Variants in MYO9B observed in about 807,000 individuals in gnomAD.
MYO9B encodes the protein myosin IXB.
MYO9B carries 71 observed loss-of-function variants against 229.5 expected under a neutral mutation model. The ratio of observed to expected loss-of-function variants is 0.31; its 90% CI spans 0.26 to 0.38. The LOEUF (loss-of-function observed/expected upper bound fraction) is 0.38, where lower values mean the gene tolerates loss of function less well. Among genes scored for constraint, MYO9B ranks in the 10% least tolerant of loss-of-function variants. The pLI, the probability that MYO9B is intolerant of heterozygous loss-of-function variation, is 1.00. For synonymous variants in MYO9B, 1,185 were observed against 1,235.8 expected (o/e 0.96, Z 0.86); for missense variants, 2,255 against 2,920.5 (o/e 0.77, Z 5.25).
rs1414130646 is a variant in MYO9B, at chr19:17,184,401, T to TTAAC, written c.2374-462_2374-461insACTA. On this transcript the variant is annotated intron_variant, in intron 16 of 39. Transcript: ENST00000682292. The stretch of plus-strand genomic sequence containing the variant: ...GAGTAAGAATAGCCTTGCAGTCTAG[T>TTAAC]TAGCAGATGGGAGAGGGCTAATTCC... 1.7e-5 allele frequency: 3 copies of TTAAC among 172,798 alleles called. No individual in the cohort carries two copies. In the Admixed American group the frequency reaches 1.7e-4, roughly 10 times the overall value. The allele number at this position is 172,798 out of a possible 1,614,324, so 10.7% of individuals were successfully genotyped here. A position where few individuals can be genotyped will look rare whatever the true frequency, so the allele number is the denominator to read the frequency against.
In MYO9B at chr19:17,211,769, CG is replaced by C; in HGVS notation, c.6055del (p.Glu2019LysfsTer34). 1 of 1,612,996 alleles carries C rather than the reference CG, an allele frequency of 6.2e-7. No homozygotes were observed. The highest frequency in any genetic ancestry group is 2.2e-5 in the East Asian group (1 of 44,838). On this transcript the variant is annotated frameshift_variant, in exon 39 of 40. Transcript: ENST00000682292. LOFTEE classifies it low-confidence loss of function (END_TRUNC). Reference sequence around the variant, plus strand: ...GAGGAGCGGGCCGGGCGGGGGGCCTCGGAAGGTCAGTATTAAGGTAGCGTCT... The same window carrying C: ...GAGGAGCGGGCCGGGCGGGGGGCCTCGAAGGTCAGTATTAAGGTAGCGTCT... The part of the protein sequence containing the change: ...LLEERAGRGA[S>X]EGPPAPALPC...
intron 1 of MYO9B, among the ~76,000 whole-genome samples, chr19:17,092,302 C>T (rs574278225): frequency 6.6e-6 from 1 of 152,364 alleles, no homozygotes; most frequent in South Asian, 2.1e-4. Context: ...CCCCTGGTCA[C>T]AAAAGTGAAC....
At chr19:17,167,573 G>A (rs1371104023) in intron 10 of MYO9B, among the ~76,000 whole-genome samples, 9 of 149,996 alleles carry the variant, frequency 6.0e-5, no homozygotes, top group South Asian at 2.1e-4. Flanking sequence ...TCCACTTCCC[G>A]TGTTCAAGCG....
intron 19 of MYO9B, among the ~76,000 whole-genome samples, chr19:17,189,003 A>C (rs1411329976): frequency 6.6e-6 from 1 of 151,574 alleles, no homozygotes; most frequent in African/African-American, 2.4e-5. Flanking sequence ...CAAAAAAAAA[A>C]AAAAAAAATT....
chr19:17,118,429 T>C (rs1431493586), intron 2 of MYO9B, among the ~76,000 whole-genome samples: 1 of 152,048 alleles, frequency 6.6e-6, no homozygotes, highest in Non-Finnish European at 1.5e-5. Flanking sequence ...AGCGAGAGCC[T>C]GTCTCTATAT....
intron 1 of MYO9B, among the ~76,000 whole-genome samples, chr19:17,082,913 T>A (rs181828023): frequency 6.6e-6 from 1 of 152,170 alleles, no homozygotes; most frequent in African/African-American, 2.4e-5. Context: ...GCTGGCTCCC[T>A]CTTGCACTCC....
chr19:17,103,690 A>G (rs2057766907), intron 2 of MYO9B: 2 of 152,112 alleles, frequency 1.3e-5, no homozygotes. Flanking sequence ...ACTGGCTAGA[A>G]TCAATCTAGG....
chr19:17,145,356 C>T (rs759966915), intron 2 of MYO9B, 41 bp from the exon 3 acceptor site: 2 of 1,537,486 alleles, frequency 1.3e-6, no homozygotes, highest in Admixed American at 1.7e-5. Flanking sequence ...AAAAGAAATT[C>T]CACCCTCCTG....
chr19:17,106,788 T>C (rs111756017), intron 2 of MYO9B, among the ~76,000 whole-genome samples: 2 of 152,160 alleles, frequency 1.3e-5, no homozygotes, highest in African/African-American at 2.4e-5. Flanking sequence ...CTAGGCTGGG[T>C]GCAGTGGCTC....
At chr19:17,092,835 CAT>C (rs1212981848) in intron 1 of MYO9B, among the ~76,000 whole-genome samples, 1 of 151,706 alleles carries the variant, frequency 6.6e-6, no homozygotes, top group African/African-American at 2.4e-5. Context: ...TGTGTACAAG[CAT>C]GTGTGTGCAT....
At chr19:17,144,814 C>CA (rs1407174911) in intron 2 of MYO9B, among the ~76,000 whole-genome samples, 3 of 150,444 alleles carry the variant, frequency 2.0e-5, no homozygotes, top group African/African-American at 7.3e-5. Context: ...ACTAAAAATA[C>CA]AAAAAATTGG....
At chr19:17,125,542 C>G (rs2058008541) in intron 2 of MYO9B, among the ~76,000 whole-genome samples, 1 of 152,134 alleles carries the variant, frequency 6.6e-6, no homozygotes, top group Non-Finnish European at 1.5e-5. Context: ...CTTCCCCTAC[C>G]CCACCCCTGT....
At chr19:17,095,710 TAC>T (rs2057681174) in intron 1 of MYO9B, 1 of 152,228 alleles carries the variant, frequency 6.6e-6, no homozygotes, top group Non-Finnish European at 1.5e-5. Context: ...TTTGGGTCTA[TAC>T]CTGGGAGCAG....
At chr19:17,084,126 A>T (rs981574990) in intron 1 of MYO9B, among the ~76,000 whole-genome samples, 2 of 152,028 alleles carry the variant, frequency 1.3e-5, no homozygotes, top group African/African-American at 4.8e-5. Context: ...CCTTGGGCCC[A>T]GGACTTCCAG....
chr19:17,096,888 G>A (rs2057698036), intron 1 of MYO9B, among the ~76,000 whole-genome samples: 2 of 138,010 alleles, frequency 1.4e-5, no homozygotes, highest in African/African-American at 5.5e-5. Flanking sequence ...TGTATTTTTA[G>A]TAGAGATGGG....
chr19:17,109,788 C>G (rs1041880409), intron 2 of MYO9B, among the ~76,000 whole-genome samples: 9 of 152,244 alleles, frequency 5.9e-5, no homozygotes, highest in African/African-American at 1.9e-4. Flanking sequence ...TGTGTCCAAT[C>G]TCCCTTGCCT....
chr19:17,175,582 T>C (rs1568285940), intron 13 of MYO9B, 81 bp from the exon 14 acceptor site: 34 of 1,119,864 alleles, frequency 3.0e-5, no homozygotes, highest in Non-Finnish European at 4.1e-5. Context: ...CCATCTCAAA[T>C]AAATAAATAA....
At chr19:17,134,381 G>GTTTTTTTTTTTTTTTTTTTT (rs869297825) in intron 2 of MYO9B, among the ~76,000 whole-genome samples, 7 of 46,478 alleles carry the variant, frequency 1.5e-4, no homozygotes, top group East Asian at 7.9e-4. Context: ...CGTTTTGTTT[G>GTTTTTTTTTTTTTTTTTTTT]TTTTTTTTTT....
At chr19:17,185,698 G>A (rs1392632599) in intron 17 of MYO9B, among the ~76,000 whole-genome samples, 1 of 151,856 alleles carries the variant, frequency 6.6e-6, no homozygotes, top group African/African-American at 2.4e-5. Flanking sequence ...GGTGGCCCTG[G>A]GACCATGGGG....
Sources: gnomAD v4.1 joint callset for allele counts (sites outside exome capture counted in the v4.1 genomes callset) on GRCh38, gnomAD v4.1.1 for gene constraint, MANE v1.5 for transcripts, NCBI Gene and HGNC (gene_info 2026-07-23, HGNC 2026-07-21) for gene names.